EYA4: variants seen among roughly 807,000 people sequenced by gnomAD.
The protein encoded by EYA4 is EYA transcriptional coactivator and phosphatase 4.
A neutral mutation model predicts 87.9 loss-of-function variants in EYA4; 31 were observed. That is an observed-to-expected ratio of 0.35 (90% confidence interval 0.27 to 0.48). The LOEUF (loss-of-function observed/expected upper bound fraction) is 0.48, where lower values mean the gene tolerates loss of function less well. Among genes scored for constraint, EYA4 ranks in the 20% least tolerant of loss-of-function variants. The pLI is 0.99. For missense variants in EYA4, 678 were observed against 761.4 expected, an observed-to-expected ratio of 0.89 and a Z score of 1.29; for synonymous variants, 263 against 270.6, an observed-to-expected ratio of 0.97 and a Z score of 0.28.
At chr6:133,480,096 T>G (rs1179908424) in intron 11 of EYA4, among the ~76,000 whole-genome samples, 1 of 151,896 alleles carries the variant, frequency 6.6e-6, no homozygotes, top group African/African-American at 2.4e-5. Flanking sequence ...ATCCCCCAGA[T>G]TGTGTGGAGT....
At chr6:133,299,964 T>A (rs1779268532) in intron 2 of EYA4, among the ~76,000 whole-genome samples, 1 of 150,328 alleles carries the variant, frequency 6.7e-6, no homozygotes, top group African/African-American at 2.4e-5. Flanking sequence ...TCTATATATA[T>A]ATATATCTTT....
At chr6:133,501,704 G>T (rs1798128957) in intron 13 of EYA4, among the ~76,000 whole-genome samples, 1 of 151,954 alleles carries the variant, frequency 6.6e-6, no homozygotes, top group Non-Finnish European at 1.5e-5. Context: ...TATGCTACGG[G>T]TCCCAAAAGA....
chr6:133,287,822 G>A (rs527837368), intron 2 of EYA4, among the ~76,000 whole-genome samples: 63 of 152,130 alleles, frequency 4.1e-4, no homozygotes, highest in Non-Finnish European at 8.7e-4. Context: ...GAAGGAGTTT[G>A]CACATGAACT....
intron 1 of EYA4, among the ~76,000 whole-genome samples, chr6:133,266,920 C>T (rs1361334156): frequency 3.9e-5 from 6 of 152,080 alleles, no homozygotes; most frequent in Non-Finnish European, 8.8e-5. Context: ...ATGTATGTTA[C>T]ATTCAATCAA....
At chr6:133,479,085 G>T (rs1554264584) in intron 11 of EYA4, among the ~76,000 whole-genome samples, 1 of 152,122 alleles carries the variant, frequency 6.6e-6, no homozygotes, top group Non-Finnish European at 1.5e-5. Flanking sequence ...ATAAGTGAGG[G>T]TTAATTTTAA....
intron 3 of EYA4, among the ~76,000 whole-genome samples, chr6:133,436,868 A>G (rs1475863357): frequency 2.0e-5 from 3 of 152,194 alleles, no homozygotes; most frequent in African/African-American, 7.2e-5. Context: ...ACTCATTACC[A>G]GGATCTGTAC....
At chr6:133,317,894 C>T (rs1187798405) in intron 2 of EYA4, among the ~76,000 whole-genome samples, 1 of 151,756 alleles carries the variant, frequency 6.6e-6, no homozygotes. Flanking sequence ...TCCCTCCATC[C>T]CCCGGTGCCC....
At chr6:133,418,070 A>C (rs950707293) in intron 3 of EYA4, among the ~76,000 whole-genome samples, 2 of 152,158 alleles carry the variant, frequency 1.3e-5, no homozygotes, top group African/African-American at 2.4e-5. Flanking sequence ...CCTCTGTTTG[A>C]CAGCATACAC....
At position 133,394,282 on chromosome 6, in the gene EYA4, G is replaced by GTATTTTTTTTT. The variant is rs1562368948; in HGVS notation, c.83+11842_83+11843insATTTTTTTTTT. On this transcript the variant is annotated intron_variant, in intron 3 of 19. Coordinates refer to ENST00000355286, the MANE Select transcript of EYA4 (RefSeq NM_004100.5). ...GTTGGAAAAATGTATATATAAGCTT[G>GTATTTTTTTTT]TGTTTTTTTTTTTTTTTTTTTTTTT... Among the ~76,000 whole-genome samples, 22 of 107,842 alleles carry GTATTTTTTTTT rather than the reference G, an allele frequency of 2.0e-4. 4 individuals carry two copies. Among genetic ancestry groups the GTATTTTTTTTT allele is most frequent in the Admixed American group, 5.1e-4 (5 of 9,750 alleles). The allele number at this position is 107,842 out of a possible 152,430, so 70.7% of individuals were successfully genotyped here.
chr6:133,273,607 A>G (rs1237076290), intron 1 of EYA4, among the ~76,000 whole-genome samples: 2 of 152,212 alleles, frequency 1.3e-5, no homozygotes, highest in Non-Finnish European at 2.9e-5. Flanking sequence ...TTCAATGATT[A>G]TGTTCATCTA....
chr6:133,267,807 G>T (rs1421259494), intron 1 of EYA4, among the ~76,000 whole-genome samples: 1 of 152,142 alleles, frequency 6.6e-6, no homozygotes, highest in Non-Finnish European at 1.5e-5. Context: ...GAATTATTCT[G>T]TAGTTTATAT....
chr6:133,370,045 A>G (rs1447800326), intron 2 of EYA4, among the ~76,000 whole-genome samples: 1 of 152,194 alleles, frequency 6.6e-6, no homozygotes, highest in East Asian at 1.9e-4. Context: ...TTTAACCTAC[A>G]TAACTGCACT....
At chr6:133,294,039 ATATATATATATATATATATATAT>A (rs1778727241) in intron 2 of EYA4, among the ~76,000 whole-genome samples, 3 of 86,400 alleles carry the variant, frequency 3.5e-5, no homozygotes, top group African/African-American at 1.3e-4. Context: ...ATATATATAT[ATATATATATATATATATATATAT>A]AATTCTATTC....
Position 133,311,588 on chromosome 6 carries a change from A to G in EYA4, c.33+36775A>G, listed in dbSNP as rs576856103. On this transcript the variant is annotated intron_variant, in intron 2 of 19. Coordinates refer to ENST00000355286, the MANE Select transcript of EYA4 (RefSeq NM_004100.5). ...CTTGGTTCAGCCTCCCAAAATGCTG[A>G]GATTACAGGTCTGAGCCACTGCACC... 1.4e-3 allele frequency among the ~76,000 whole-genome samples: 217 copies of G among 152,204 alleles called. 1 individual carries two copies. Among genetic ancestry groups the G allele is most frequent in the Non-Finnish European group, 2.6e-3 (175 of 68,002 alleles).
In EYA4 at chr6:133,525,188, G is replaced by C. The variant is rs772266373; in HGVS notation, c.1773G>C (p.Arg591Ser). 1 of 1,613,650 alleles carries C rather than the reference G, an allele frequency of 6.2e-7. No homozygotes were observed. Among genetic ancestry groups the C allele is most frequent in the Non-Finnish European group, 8.5e-7 (1 of 1,179,800 alleles). The change falls in exon 19 of 20, where the codon AGG (arginine) becomes AGC (serine). Residue 591 changes from arginine to serine, a missense_variant. Transcript: ENST00000355286. ...GTTGCTTTGAACGAATAATGCAAAG[G>C]TTTGGCAGAAAAGTAGTGTATGTTG... The part of the protein sequence containing the change: ...KESCFERIMQ[R>S]FGRKVVYVVI...
chr6:133,441,904 G>T (rs1583289522), intron 3 of EYA4, among the ~76,000 whole-genome samples: 1 of 151,750 alleles, frequency 6.6e-6, no homozygotes, highest in East Asian at 1.9e-4. Flanking sequence ...TCTTTGAAAA[G>T]AAATTTAGAA....
At chr6:133,307,696 C>G (rs1279839030) in intron 2 of EYA4, among the ~76,000 whole-genome samples, 3 of 152,160 alleles carry the variant, frequency 2.0e-5, no homozygotes, top group Non-Finnish European at 4.4e-5. Flanking sequence ...AGGCATGGTT[C>G]TAAGCACTTT....
chr6:133,447,238 C>A (rs1342631697), intron 4 of EYA4, among the ~76,000 whole-genome samples: 1 of 152,126 alleles, frequency 6.6e-6, no homozygotes, highest in Non-Finnish European at 1.5e-5. Context: ...GCTGCATTTT[C>A]TTTTCAAAGA....
At chr6:133,502,364 A>G (rs1409084836) in intron 13 of EYA4, 6 of 152,188 alleles carry the variant, frequency 3.9e-5, no homozygotes, top group Non-Finnish European at 7.3e-5. Context: ...ATTAAAAAAA[A>G]GCAACTCTTG....
Sources: gnomAD v4.1 joint callset for allele counts (sites outside exome capture counted in the v4.1 genomes callset) on GRCh38, gnomAD v4.1.1 for gene constraint, MANE v1.5 for transcripts, NCBI Gene and HGNC (gene_info 2026-07-23, HGNC 2026-07-21) for gene names.